The following PDZRN3 variants were observed in gnomAD, a reference collection of about 807,000 sequenced individuals.
PDZRN3 encodes PDZ domain containing ring finger 3.
In PDZRN3, 38 loss-of-function variants were observed where a neutral mutation model predicts 85.7. The observed-to-expected ratio is 0.44, with a 90% CI of 0.34 to 0.58. The LOEUF is 0.58. Ranked by LOEUF, PDZRN3 falls within the 20% of genes least tolerant of loss-of-function variation. The pLI is 0.01. For synonymous variants in PDZRN3, 759 were observed against 638.0 expected, an observed-to-expected ratio of 1.19 and a Z score of -2.86; for missense variants, 1,629 against 1,506.4, an observed-to-expected ratio of 1.08 and a Z score of -1.35.
chr3:73,616,465 T>C (rs1458688672), intron 1 of PDZRN3, among the ~76,000 whole-genome samples: 1 of 152,208 alleles, frequency 6.6e-6, no homozygotes. Context: ...ATGTTATTCA[T>C]AAGCTTTAGC....
At chr3:73,471,104 G>T (rs1703330392) in intron 3 of PDZRN3, among the ~76,000 whole-genome samples, 1 of 152,054 alleles carries the variant, frequency 6.6e-6, no homozygotes, top group Non-Finnish European at 1.5e-5. Flanking sequence ...TAAAAATGAG[G>T]TCATTAAGGG....
intron 6 of PDZRN3, among the ~76,000 whole-genome samples, chr3:73,390,654 T>TGTGTGTGA (rs36036904): frequency 0.014 from 1,997 of 139,876 alleles, 41 homozygotes; most frequent in African/African-American, 0.04. Flanking sequence ...TGTGTGTGTG[T>TGTGTGTGA]GAGAGAGAGA....
At chr3:73,397,154 C>T (rs193294177) in intron 5 of PDZRN3, among the ~76,000 whole-genome samples, 2 of 152,156 alleles carry the variant, frequency 1.3e-5, no homozygotes, top group African/African-American at 4.8e-5. Context: ...CTGCCTCAGC[C>T]TCCCGAGTAG....
intron 3 of PDZRN3, chr3:73,569,616 C>T (rs1702014742): frequency 1.0e-6 from 1 of 979,488 alleles, no homozygotes; most frequent in Non-Finnish European, 1.2e-6. Flanking sequence ...AAACCTCAGC[C>T]CTGTGTCTGG....
chr3:73,384,333 C>T lies in PDZRN3; in HGVS notation c.2233G>A (p.Glu745Lys). 2 of 1,611,472 alleles carry T rather than the reference C, an allele frequency of 1.2e-6. No homozygotes were observed. Among genetic ancestry groups the T allele is most frequent in the Non-Finnish European group, 8.5e-7 (1 of 1,179,964 alleles). ...TCCTTGTCGGATTTCTCCGGGAGCT[C>T]GGTGATATCTGAGAGCTCGTGTCTG... is the stretch of plus-strand genomic sequence containing the variant. ...VRRHELSDIT[E>K]LPEKSDKDSS... Residue 745 changes from glutamate (E) to lysine (K), a missense_variant, in exon 10 of 10, where the codon GAG becomes AAG. Transcript: ENST00000263666.
Position 73,383,700 on chromosome 3 carries a change from C to A in PDZRN3, c.2866G>T (p.Gly956Cys). Reference protein sequence around the residue: ...RALKIREERSGMTTDDDAVSE... With the variant: ...RALKIREERSCMTTDDDAVSE... ...ACCGCGTCGTCGTCGGTGGTCATGC[C>A]GCTGCGCTCTTCCCGGATCTTCAGG... The change falls in exon 10 of 10, where the codon GGC becomes TGC. Residue 956 changes from glycine (G) to cysteine (C), a missense_variant. Physicochemically the swap from Gly to Cys is radical, Grantham distance 159 (BLOSUM62 -3). Transcript: ENST00000263666. 1 of 1,611,630 alleles carries A rather than the reference C, an allele frequency of 6.2e-7. No individual in the cohort carries two copies. Among genetic ancestry groups the A allele is most frequent in the Non-Finnish European group, 8.5e-7 (1 of 1,180,014 alleles).
chr3:73,607,596 T>C (rs1309880105), intron 2 of PDZRN3, among the ~76,000 whole-genome samples: 2 of 152,242 alleles, frequency 1.3e-5, no homozygotes, highest in East Asian at 1.9e-4. Context: ...TTTAGGTTTC[T>C]GTTTACTACT....
At chr3:73,430,825 CTG>C (rs1233208830) in intron 3 of PDZRN3, among the ~76,000 whole-genome samples, 1 of 152,192 alleles carries the variant, frequency 6.6e-6, no homozygotes, top group Non-Finnish European at 1.5e-5. Flanking sequence ...AAGTAGGAGA[CTG>C]TACTCCTTGA....
At chr3:73,406,751 C>T (rs947450242) in intron 3 of PDZRN3, among the ~76,000 whole-genome samples, 2 of 152,178 alleles carry the variant, frequency 1.3e-5, no homozygotes, top group Non-Finnish European at 2.9e-5. Flanking sequence ...ATGGGATTTT[C>T]TTACTATGGC....
At chr3:73,521,810 G>C (rs1184783000) in intron 3 of PDZRN3, among the ~76,000 whole-genome samples, 1 of 152,158 alleles carries the variant, frequency 6.6e-6, no homozygotes, top group Admixed American at 6.5e-5. Flanking sequence ...TCATGCAGTA[G>C]CAGGCCCTCA....
intron 3 of PDZRN3, among the ~76,000 whole-genome samples, chr3:73,522,683 C>T (rs959659204): frequency 2.0e-5 from 3 of 152,192 alleles, no homozygotes; most frequent in African/African-American, 7.2e-5. Flanking sequence ...AGAAGATTTG[C>T]TCTTGGCCTC....
intron 8 of PDZRN3, 85 bp from the exon 9 acceptor site, chr3:73,385,870 G>A: frequency 1.2e-6 from 1 of 805,000 alleles, no homozygotes; most frequent in South Asian, 1.5e-5. Flanking sequence ...TTACCTTGGG[G>A]GAAAATATTT....
chr3:73,429,977 A>G (rs1702398248), intron 3 of PDZRN3, among the ~76,000 whole-genome samples: 1 of 152,182 alleles, frequency 6.6e-6, no homozygotes, highest in Non-Finnish European at 1.5e-5. Context: ...TTAGCCCCAC[A>G]AAGGCAAGCA....
At chr3:73,473,275 G>A (rs779064361) in intron 3 of PDZRN3, among the ~76,000 whole-genome samples, 9 of 151,944 alleles carry the variant, frequency 5.9e-5, no homozygotes, top group Non-Finnish European at 8.8e-5. Context: ...TTAATGACAG[G>A]GCCAATATTT....
chr3:73,528,293 G>A (rs2106747417), intron 3 of PDZRN3, among the ~76,000 whole-genome samples: 1 of 152,302 alleles, frequency 6.6e-6, no homozygotes, highest in South Asian at 2.1e-4. Context: ...CCTTACCGAA[G>A]GCCAGGGGAA....
At chr3:73,594,284 T>C (rs928115923) in intron 3 of PDZRN3, among the ~76,000 whole-genome samples, 3 of 152,180 alleles carry the variant, frequency 2.0e-5, no homozygotes, top group African/African-American at 4.8e-5. Flanking sequence ...CTCCATGAAA[T>C]AGGTTAAGAT....
intron 3 of PDZRN3, among the ~76,000 whole-genome samples, chr3:73,487,694 T>C (rs1028114748): frequency 6.6e-6 from 1 of 152,200 alleles, no homozygotes; most frequent in African/African-American, 2.4e-5. Flanking sequence ...CAACCTTGAT[T>C]TTCTCCAAGC....
At chr3:73,575,166 A>G (rs1263666725) in intron 3 of PDZRN3, among the ~76,000 whole-genome samples, 1 of 152,246 alleles carries the variant, frequency 6.6e-6, no homozygotes, top group African/African-American at 2.4e-5. Context: ...TACTGTACTG[A>G]CAAGGAAGAA....
At position 73,383,480 on chromosome 3, in the gene PDZRN3, C is replaced by T. The variant is rs780710627; in HGVS notation, c.3086G>A (p.Arg1029Lys). Residue 1029 changes from arginine (R) to lysine (K), a missense_variant, in exon 10 of 10, where the codon AGG (arginine) becomes AAG (lysine). Coordinates refer to ENST00000263666, the MANE Select transcript of PDZRN3 (RefSeq NM_015009.3). Reference sequence around the variant, plus strand: ...CCAGTTATCGAAGATTTTCTTATTCCTCTTCTTCATCATCTTTTTGTGGCT... The same window carrying T: ...CCAGTTATCGAAGATTTTCTTATTCTTCTTCTTCATCATCTTTTTGTGGCT... ...ELSHKKMMKKRNKKIFDNWMT... is the reference protein window; with the variant it reads ...ELSHKKMMKKKNKKIFDNWMT... The T allele has an allele frequency of 5.0e-6, 8 of 1,613,982 alleles. No individual in the cohort carries two copies. The highest frequency in any genetic ancestry group is 5.9e-6 in the Non-Finnish European group (7 of 1,180,032).
Sources: gnomAD v4.1 joint callset for allele counts (sites outside exome capture counted in the v4.1 genomes callset) on GRCh38, gnomAD v4.1.1 for gene constraint, MANE v1.5 for transcripts, NCBI Gene and HGNC (gene_info 2026-07-23, HGNC 2026-07-21) for gene names.